Variants in CFAP299 observed in about 807,000 individuals in gnomAD.
CFAP299 encodes the protein cilia and flagella associated protein 299, also known as cilia- and flagella-associated protein 299.
Under a neutral mutation model 27.0 loss-of-function variants are expected in CFAP299, and 21 were observed. The ratio of observed to expected loss-of-function variants is 0.78; its 90% CI spans 0.55 to 1.12. The LOEUF (loss-of-function observed/expected upper bound fraction) is 1.12, where lower values mean the gene tolerates loss of function less well. CFAP299 is among the 50% of genes most tolerant of loss of function. The pLI is 0.00. For synonymous variants in CFAP299, 104 were observed against 98.1 expected (o/e 1.06, Z -0.36); for missense variants, 310 against 276.6 (o/e 1.12, Z -0.86).
At chr4:80,337,907 G>A (rs907925395) in intron 1 of CFAP299, among the ~76,000 whole-genome samples, 13 of 152,110 alleles carry the variant, frequency 8.5e-5, no homozygotes, top group Admixed American at 6.6e-5. Context: ...GGATTGATTA[G>A]TGACAACTTT....
chr4:80,582,807 T>C (rs527464885), intron 2 of CFAP299, among the ~76,000 whole-genome samples: 1 of 152,004 alleles, frequency 6.6e-6, no homozygotes, highest in East Asian at 1.9e-4. Context: ...ATGTTGACTT[T>C]TCATGATATG....
intron 4 of CFAP299, among the ~76,000 whole-genome samples, chr4:80,939,471 A>AT (rs77950376): frequency 0.071 from 10,456 of 147,938 alleles, 723 homozygotes; most frequent in African/African-American, 0.16. Context: ...CTCTCTGTTG[A>AT]TTTTTTTTTC....
intron 3 of CFAP299, among the ~76,000 whole-genome samples, chr4:80,664,372 G>A (rs1055944478): frequency 6.6e-6 from 1 of 152,088 alleles, no homozygotes; most frequent in Non-Finnish European, 1.5e-5. Flanking sequence ...TCTCTCTCAG[G>A]GAGAGAGGAT....
At chr4:80,388,027 CT>C (rs1725114569) in intron 2 of CFAP299, 1 of 697,918 alleles carries the variant, frequency 1.4e-6, no homozygotes, top group African/African-American at 1.8e-5. Context: ...GTGGGTAGGG[CT>C]GCATCACCAG....
chr4:80,533,805 AAT>A (rs1733589516), intron 2 of CFAP299, among the ~76,000 whole-genome samples: 1 of 152,160 alleles, frequency 6.6e-6, no homozygotes, highest in African/African-American at 2.4e-5. Context: ...TCTGCAGTGA[AAT>A]ATAGAATCCC....
chr4:80,415,794 C>A (rs774683803), intron 2 of CFAP299, among the ~76,000 whole-genome samples: 28 of 152,230 alleles, frequency 1.8e-4, no homozygotes, highest in South Asian at 1.2e-3. Flanking sequence ...TATCTCTCTG[C>A]TGAAAGGATT....
chr4:80,673,430 C>G (rs1263183927), intron 3 of CFAP299, among the ~76,000 whole-genome samples: 1 of 151,932 alleles, frequency 6.6e-6, no homozygotes, highest in Non-Finnish European at 1.5e-5. Flanking sequence ...TTACTTCCGA[C>G]TATGTGGTCA....
At chr4:80,936,890 T>G (rs990221965) in intron 4 of CFAP299, among the ~76,000 whole-genome samples, 2 of 152,190 alleles carry the variant, frequency 1.3e-5, no homozygotes, top group East Asian at 3.8e-4. Context: ...CTATGTGTCC[T>G]TGAGATGAAT....
chr4:80,898,215 G>A (rs1438588776), intron 4 of CFAP299, among the ~76,000 whole-genome samples: 1 of 152,132 alleles, frequency 6.6e-6, no homozygotes, highest in Non-Finnish European at 1.5e-5. Flanking sequence ...CAAATTAGAG[G>A]TGGTAAATGT....
chr4:80,651,979 G>A (rs1265670438), intron 3 of CFAP299, among the ~76,000 whole-genome samples: 1 of 151,964 alleles, frequency 6.6e-6, no homozygotes, highest in East Asian at 1.9e-4. Flanking sequence ...TTACAATCAG[G>A]AACCTGGACA....
intron 3 of CFAP299, among the ~76,000 whole-genome samples, chr4:80,654,197 A>T (rs1740446569): frequency 6.6e-6 from 1 of 152,150 alleles, no homozygotes; most frequent in Non-Finnish European, 1.5e-5. Context: ...TTCATGTTTT[A>T]CAAATCTTTG....
chr4:80,716,898 T>C (rs905634707), intron 3 of CFAP299, among the ~76,000 whole-genome samples: 2 of 152,128 alleles, frequency 1.3e-5, no homozygotes, highest in African/African-American at 2.4e-5. Flanking sequence ...TGCAACCTAC[T>C]GAAAACCTTT....
chr4:80,454,862 G>A (rs1729070933), intron 2 of CFAP299, among the ~76,000 whole-genome samples: 1 of 152,078 alleles, frequency 6.6e-6, no homozygotes, highest in African/African-American at 2.4e-5. Flanking sequence ...TAACATGGTG[G>A]GTAGGGGGTT....
At chr4:80,616,343 GTT>G (rs1560658064) in intron 3 of CFAP299, among the ~76,000 whole-genome samples, 2 of 151,792 alleles carry the variant, frequency 1.3e-5, no homozygotes, top group Non-Finnish European at 1.5e-5. Flanking sequence ...GAACTATAAA[GTT>G]TTGTATATAC....
chr4:80,835,141 G>T (rs1264311758), intron 3 of CFAP299, among the ~76,000 whole-genome samples: 1 of 152,016 alleles, frequency 6.6e-6, no homozygotes, highest in Non-Finnish European at 1.5e-5. Context: ...TTTTGAGATG[G>T]AGTCTCGCTC....
At chr4:80,504,683 G>A (rs1731926554) in intron 2 of CFAP299, among the ~76,000 whole-genome samples, 1 of 147,340 alleles carries the variant, frequency 6.8e-6, no homozygotes, top group East Asian at 2.0e-4. Flanking sequence ...AAGAATGGGG[G>A]ATTAAAAAAA....
chr4:80,592,675 C>T (rs1287637486), intron 3 of CFAP299, among the ~76,000 whole-genome samples: 2 of 152,130 alleles, frequency 1.3e-5, no homozygotes, highest in African/African-American at 4.8e-5. Flanking sequence ...CACGATTACT[C>T]TTTAAAATTT....
chr4:80,403,938 A>T (rs1028777914), intron 2 of CFAP299, among the ~76,000 whole-genome samples: 1 of 152,152 alleles, frequency 6.6e-6, no homozygotes, highest in African/African-American at 2.4e-5. Context: ...ACAAGGTAGC[A>T]GTAAGATTAT....
intron 2 of CFAP299, among the ~76,000 whole-genome samples, chr4:80,437,194 G>C (rs1728133756): frequency 6.6e-6 from 1 of 152,098 alleles, no homozygotes; most frequent in African/African-American, 2.4e-5. Context: ...ATGTTTCTAA[G>C]GTGTTATTTG....
Sources: gnomAD v4.1 joint callset for allele counts (sites outside exome capture counted in the v4.1 genomes callset) on GRCh38, gnomAD v4.1.1 for gene constraint, MANE v1.5 for transcripts, NCBI Gene and HGNC (gene_info 2026-07-23, HGNC 2026-07-21) for gene names.